Variants in CTNNA2 observed in about 807,000 individuals in gnomAD.
CTNNA2 encodes catenin alpha-2.
Under a neutral mutation model 101.0 loss-of-function variants are expected in CTNNA2, and 42 were observed. That is an observed-to-expected ratio of 0.42 (90% CI 0.32 to 0.54). CTNNA2 has a LOEUF of 0.54. CTNNA2 is among the 20% of genes least tolerant of loss of function. The pLI is 0.14. For synonymous variants in CTNNA2, 450 were observed against 456.4 expected, an observed-to-expected ratio of 0.99 and a Z score of 0.18; for missense variants, 871 against 1,223.1, an observed-to-expected ratio of 0.71 and a Z score of 4.29.
intron 6 of CTNNA2, among the ~76,000 whole-genome samples, chr2:79,880,688 C>A (rs3961791): frequency 0.042 from 6,090 of 144,202 alleles, 343 homozygotes; most frequent in East Asian, 0.29. Flanking sequence ...TTTTATTGTG[C>A]CTATTTGATT....
intron 7 of CTNNA2, among the ~76,000 whole-genome samples, chr2:80,237,485 A>T (rs946662282): frequency 2.0e-5 from 3 of 151,898 alleles, no homozygotes; most frequent in Non-Finnish European, 2.9e-5. Context: ...AAACCTAAAG[A>T]CTGACTGTTG....
intron 4 of CTNNA2, among the ~76,000 whole-genome samples, chr2:79,493,221 G>T (rs1216290250): frequency 2.0e-5 from 3 of 151,988 alleles, no homozygotes; most frequent in Non-Finnish European, 4.4e-5. Flanking sequence ...AAAAACAGGA[G>T]GGAAGGGGAG....
chr2:79,504,284 C>CT (rs1044153098), intron 4 of CTNNA2, among the ~76,000 whole-genome samples: 5 of 151,590 alleles, frequency 3.3e-5, no homozygotes, highest in African/African-American at 4.8e-5. Flanking sequence ...ACAGTTTAAT[C>CT]TTTTTTTGTT....
At chr2:80,260,367 T>G (rs1247851939) in intron 7 of CTNNA2, among the ~76,000 whole-genome samples, 3 of 152,204 alleles carry the variant, frequency 2.0e-5, no homozygotes, top group Admixed American at 6.5e-5. Context: ...GCACTATTTC[T>G]GAAGGACATT....
chr2:80,633,592 T>C (rs1310282711), intron 18 of CTNNA2, among the ~76,000 whole-genome samples: 2 of 152,208 alleles, frequency 1.3e-5, no homozygotes, highest in African/African-American at 4.8e-5. Context: ...GAAAAGCCTA[T>C]GGTAGATCTG....
At chr2:80,435,106 A>G (rs1037108954) in intron 9 of CTNNA2, among the ~76,000 whole-genome samples, 5 of 152,204 alleles carry the variant, frequency 3.3e-5, no homozygotes, top group Admixed American at 3.3e-4. Flanking sequence ...AGAAGCCAGG[A>G]GCACTTCCCT....
At chr2:80,515,889 A>G (rs1689070382) in intron 9 of CTNNA2, among the ~76,000 whole-genome samples, 1 of 152,176 alleles carries the variant, frequency 6.6e-6, no homozygotes, top group African/African-American at 2.4e-5. Flanking sequence ...ATCCTTACAG[A>G]TGGGACAAAA....
At chr2:80,529,784 C>T (rs994232173) in intron 9 of CTNNA2, among the ~76,000 whole-genome samples, 2 of 152,130 alleles carry the variant, frequency 1.3e-5, no homozygotes, top group Non-Finnish European at 2.9e-5. Flanking sequence ...CTTTATTTCA[C>T]GTAGCAGATT....
intron 8 of CTNNA2, among the ~76,000 whole-genome samples, chr2:80,410,231 C>T (rs541985295): frequency 5.3e-5 from 8 of 152,308 alleles, no homozygotes; most frequent in African/African-American, 1.7e-4. Context: ...ATTTTTGAGA[C>T]AGTTTGTTTT....
intron 3 of CTNNA2, among the ~76,000 whole-genome samples, chr2:79,330,087 T>G (rs995098827): frequency 2.6e-5 from 4 of 152,160 alleles, no homozygotes; most frequent in African/African-American, 9.7e-5. Flanking sequence ...GGTGTCATCG[T>G]TCACTGCCTC....
intron 7 of CTNNA2, among the ~76,000 whole-genome samples, chr2:80,106,814 C>T (rs570210309): frequency 6.6e-6 from 1 of 152,220 alleles, no homozygotes; most frequent in South Asian, 2.1e-4. Context: ...TAAGATGAGG[C>T]CAGGATATTC....
At chr2:79,794,733 A>G (rs1675562572) in intron 3 of CTNNA2, among the ~76,000 whole-genome samples, 1 of 152,220 alleles carries the variant, frequency 6.6e-6, no homozygotes, top group Non-Finnish European at 1.5e-5. Flanking sequence ...TACTCCATGA[A>G]TAAGAGTAAG....
intron 4 of CTNNA2, among the ~76,000 whole-genome samples, chr2:79,376,313 T>A (rs1677974165): frequency 3.9e-5 from 6 of 152,128 alleles, no homozygotes; most frequent in Admixed American, 3.9e-4. Flanking sequence ...AAACTGCTTG[T>A]GTTCCAACTG....
intron 13 of CTNNA2, among the ~76,000 whole-genome samples, chr2:80,578,131 C>G (rs1695222489): frequency 6.6e-6 from 1 of 152,126 alleles, no homozygotes; most frequent in East Asian, 1.9e-4. Context: ...TCCCTGGGCC[C>G]CTGTAATGGG....
intron 7 of CTNNA2, among the ~76,000 whole-genome samples, chr2:80,196,033 T>C (rs1706809130): frequency 6.6e-6 from 1 of 152,178 alleles, no homozygotes; most frequent in African/African-American, 2.4e-5. Flanking sequence ...ATATTAAAAA[T>C]AGATAAGTGA....
chr2:80,263,360 G>T (rs1672762559), intron 7 of CTNNA2, among the ~76,000 whole-genome samples: 1 of 152,222 alleles, frequency 6.6e-6, no homozygotes, highest in East Asian at 1.9e-4. Context: ...ATTAGATAGA[G>T]TTTCACTCTG....
intron 1 of CTNNA2, among the ~76,000 whole-genome samples, chr2:79,585,332 C>G (rs982283319): frequency 1.4e-4 from 21 of 152,088 alleles, no homozygotes; most frequent in African/African-American, 4.8e-4. Flanking sequence ...ATTGTCCTGT[C>G]TCTAATTGCT....
chr2:79,682,554 A>G (rs1683653407), intron 2 of CTNNA2, among the ~76,000 whole-genome samples: 1 of 152,262 alleles, frequency 6.6e-6, no homozygotes, highest in East Asian at 1.9e-4. Flanking sequence ...AAATATGCTC[A>G]TAAAACCCCA....
intron 18 of CTNNA2, among the ~76,000 whole-genome samples, chr2:80,624,787 G>T (rs1457464830): frequency 6.6e-6 from 1 of 151,902 alleles, no homozygotes; most frequent in African/African-American, 2.4e-5. Context: ...TCAGTTGACT[G>T]GTAGGAGGCA....
Sources: gnomAD v4.1 joint callset for allele counts (sites outside exome capture counted in the v4.1 genomes callset) on GRCh38, gnomAD v4.1.1 for gene constraint, MANE v1.5 for transcripts, NCBI Gene and HGNC (gene_info 2026-07-23, HGNC 2026-07-21) for gene names.